C18orf54: variants seen among roughly 807,000 people sequenced by gnomAD.
C18orf54 encodes lung adenoma susceptibility protein 2.
A neutral mutation model predicts 49.3 loss-of-function variants in C18orf54; 49 were observed. The ratio of observed to expected loss-of-function variants is 0.99; its 90% confidence interval spans 0.79 to 1.26. The LOEUF (loss-of-function observed/expected upper bound fraction) is 1.26. C18orf54 is among the 50% of genes most tolerant of loss of function. The pLI is 0.00. For missense variants in C18orf54, 687 were observed against 620.6 expected (o/e 1.11, Z -1.14); for synonymous variants, 211 against 216.6 (o/e 0.97, Z 0.23).
chr18:54,362,478 A>T (rs2089292769), intron 4 of C18orf54, 47 bp downstream of exon 4: 1 of 1,386,884 alleles, frequency 7.2e-7, no homozygotes, highest in East Asian at 2.5e-5. Flanking sequence ...TCTTTTTTTT[A>T]AACCAAAAGA....
In C18orf54 at chr18:54,380,340, C is replaced by G. The variant is rs908811059; in HGVS notation, c.*2094C>G. 6.7e-6 allele frequency: 1 copy of G among 150,306 alleles called. No individual in the cohort carries two copies. The highest frequency in any genetic ancestry group is 1.5e-5 in the Non-Finnish European group (1 of 67,112). The allele number at this position is 150,306 out of a possible 1,614,324, so 9.3% of individuals were successfully genotyped here. A position where few individuals can be genotyped will look rare whatever the true frequency, so the allele number is the denominator to read the frequency against. On this transcript the variant is annotated 3_prime_UTR_variant, in exon 9 of 9. Coordinates refer to ENST00000620105, the MANE Select transcript of C18orf54 (RefSeq NM_001288980.2). The stretch of plus-strand genomic sequence containing the variant: ...TGCATTGTGAATGTAAAATTTTTAT[C>G]AATCCTTTGCTCTCTTTTAGACATA...
Position 54,379,454 on chromosome 18 carries a change from C to A in C18orf54, c.*1208C>A, listed in dbSNP as rs1366263775. The A allele has an allele frequency of 6.8e-5, 10 of 146,438 alleles. 1 individual carries two copies. In the Admixed American group the frequency reaches 6.8e-4, roughly 10 times the overall value. The allele number at this position is 146,438 out of a possible 1,614,324, so 9.1% of individuals were successfully genotyped here. A position where few individuals can be genotyped will look rare whatever the true frequency, so the allele number is the denominator to read the frequency against. The stretch of plus-strand genomic sequence containing the variant: ...AAGTTAATAAAGTGTTATTTACTAT[C>A]TTTGTTAGAGGTGACATGTCAAACA... On this transcript the variant is annotated 3_prime_UTR_variant, in exon 9 of 9. Coordinates refer to ENST00000620105, the MANE Select transcript of C18orf54 (RefSeq NM_001288980.2).
At chr18:54,372,903 A>G (rs1599346807) in intron 7 of C18orf54, among the ~76,000 whole-genome samples, 1 of 151,938 alleles carries the variant, frequency 6.6e-6, no homozygotes, top group African/African-American at 2.4e-5. Flanking sequence ...ATCCTCTACA[A>G]AATTAATCTA....
chr18:54,359,752 C>T (rs1021171234), intron 2 of C18orf54, among the ~76,000 whole-genome samples: 1 of 152,136 alleles, frequency 6.6e-6, no homozygotes, highest in African/African-American at 2.4e-5. Flanking sequence ...AATATACATC[C>T]TGTTACTGTA....
intron 5 of C18orf54, chr18:54,363,874 C>T (rs1330614453): frequency 6.6e-6 from 1 of 151,702 alleles, no homozygotes; most frequent in Non-Finnish European, 1.5e-5. Context: ...ACTATAATTC[C>T]AGTTTAGAAG....
chr18:54,369,964 A>C (rs1455396833), intron 6 of C18orf54, among the ~76,000 whole-genome samples: 3 of 152,134 alleles, frequency 2.0e-5, no homozygotes, highest in Non-Finnish European at 4.4e-5. Context: ...GATTCAACCA[A>C]CTGCAAATTG....
Position 54,372,577 on chromosome 18 carries a change from C to G in C18orf54, c.1438C>G (p.Pro480Ala). The change falls in exon 7 of 9, where the codon CCA (proline) becomes GCA (alanine). Residue 480 changes from proline (P) to alanine (A), a missense_variant. Physicochemically the swap from Pro to Ala is conservative, Grantham distance 27. Transcript: ENST00000620105. ...TTTTAATCAAAATAAGACCACAGAT[C>G]CAAAAGAAGAGATTAAACAAGTAAG... ...ERFNQNKTTD[P>A]KEEIKQVSED... 6.2e-7 allele frequency: 1 copy of G among 1,602,560 alleles called. No homozygotes were observed.
At chr18:54,362,689 A>C in intron 4 of C18orf54, 82 bp from the exon 5 acceptor site, 1 of 1,231,148 alleles carries the variant, frequency 8.1e-7, no homozygotes, top group South Asian at 1.4e-5. Context: ...AATGATCAGA[A>C]CTCTTGTTGA....
In C18orf54 at chr18:54,378,214, G is replaced by A; in HGVS notation, c.1570G>A (p.Asp524Asn). ...ATCTCGCCTGAGAGACCTGGTTGATGATACGAATGGAGAACGGTCACCGAA... is the reference window on the plus strand; with the variant it reads ...ATCTCGCCTGAGAGACCTGGTTGATAATACGAATGGAGAACGGTCACCGAA... ...HLSRLRDLVD[D>N]TNGERSPKM The change falls in exon 9 of 9, where the codon GAT (aspartate) becomes AAT (asparagine). Residue 524 changes from aspartate to asparagine, a missense_variant. Coordinates refer to ENST00000620105, the MANE Select transcript of C18orf54 (RefSeq NM_001288980.2). 1.2e-6 allele frequency: 2 copies of A among 1,613,598 alleles called. No individual in the cohort carries two copies. Among genetic ancestry groups the A allele is most frequent in the Non-Finnish European group, 1.7e-6 (2 of 1,179,712 alleles).
chr18:54,377,274 T>C (rs780025904), intron 8 of C18orf54, among the ~76,000 whole-genome samples: 59 of 152,112 alleles, frequency 3.9e-4, no homozygotes, highest in Admixed American at 1.6e-3. Context: ...TGACCTCAGG[T>C]GGTCATATCA....
intron 8 of C18orf54, among the ~76,000 whole-genome samples, chr18:54,376,090 G>C (rs112004943): frequency 7.4e-4 from 112 of 152,236 alleles, no homozygotes; most frequent in African/African-American, 2.5e-3. Flanking sequence ...AAAAGTTACT[G>C]ATTATACTTT....
chr18:54,366,006 A>G (rs1256563897), intron 6 of C18orf54, among the ~76,000 whole-genome samples, 185 bp downstream of exon 6: 3 of 151,676 alleles, frequency 2.0e-5, no homozygotes, highest in African/African-American at 7.2e-5. Context: ...TTTTTAAATT[A>G]ACACATAATA....
intron 2 of C18orf54, among the ~76,000 whole-genome samples, chr18:54,360,001 A>G (rs1478706121): frequency 6.6e-6 from 1 of 152,226 alleles, no homozygotes; most frequent in African/African-American, 2.4e-5. Flanking sequence ...TTACAGTTAA[A>G]TGTTGTAAAT....
intron 5 of C18orf54, among the ~76,000 whole-genome samples, chr18:54,364,189 T>C (rs1568184201): frequency 1.3e-5 from 2 of 152,048 alleles, no homozygotes; most frequent in African/African-American, 4.8e-5. Flanking sequence ...ACGTAATGCT[T>C]AACTTCTCTT....
At position 54,361,851 on chromosome 18, in the gene C18orf54, TG is replaced by T. The variant is rs1031887860; in HGVS notation, c.493del (p.Glu165ArgfsTer27). 18 of 1,614,008 alleles carry T rather than the reference TG, an allele frequency of 1.1e-5. 1 individual carries two copies. The Middle Eastern group carries it at 4.9e-4, about 44-fold the overall frequency. ...GTGGAAGACTGGGTTCATTGGACAT[TG>T]AGAAGAATCCACATTTTCAAGGACC... ...CRGRLGSLDI[E>X]KNPHFQGPYT... On this transcript the variant is annotated frameshift_variant, in exon 4 of 9. Transcript: ENST00000620105. LOFTEE classifies it high-confidence loss of function.
chr18:54,360,836 T>C lies in C18orf54; in HGVS notation c.264T>C (p.Tyr88=), dbSNP rs373807390. ...DFTNMSQFCN[Y]IYKPNNAFEN... ...CTAATATGTCACAGTTCTGCAACTA[T>C]ATTTACAAACCAAACAATGGTATGC... Residue 88 remains tyrosine (Y), a synonymous_variant, in exon 3 of 9, where the codon TAT becomes TAC. Transcript: ENST00000620105. 1.1e-5 allele frequency: 18 copies of C among 1,611,986 alleles called. No homozygotes were observed. The highest frequency in any genetic ancestry group is 5.0e-5 in the Admixed American group (3 of 59,992).
intron 6 of C18orf54, among the ~76,000 whole-genome samples, chr18:54,367,702 C>G (rs117360456): frequency 0.026 from 4,004 of 152,106 alleles, 69 homozygotes; most frequent in Non-Finnish European, 0.037. Flanking sequence ...TGGCTTAAAT[C>G]TACTGGGGGC....
intron 3 of C18orf54, among the ~76,000 whole-genome samples, chr18:54,361,252 T>C (rs1486805650): frequency 6.6e-6 from 1 of 152,126 alleles, no homozygotes; most frequent in Admixed American, 6.5e-5. Context: ...CATTGAAGGG[T>C]TTGTAGGTGA....
intron 5 of C18orf54, among the ~76,000 whole-genome samples, chr18:54,364,510 A>C (rs1200172236): frequency 2.6e-5 from 4 of 152,118 alleles, no homozygotes; most frequent in Non-Finnish European, 5.9e-5. Context: ...GAAGGAATAG[A>C]TCTCAGTTTG....
Sources: gnomAD v4.1 joint callset for allele counts (sites outside exome capture counted in the v4.1 genomes callset) on GRCh38, gnomAD v4.1.1 for gene constraint, MANE v1.5 for transcripts, NCBI Gene and HGNC (gene_info 2026-07-23, HGNC 2026-07-21) for gene names.